Variants in CSGALNACT2 observed in about 807,000 individuals in gnomAD.
CSGALNACT2 encodes beta 4 GalNAcT-2.
Under a neutral mutation model 55.3 loss-of-function variants are expected in CSGALNACT2, and 35 were observed. The ratio of observed to expected loss-of-function variants is 0.63; its 90% CI spans 0.48 to 0.84. CSGALNACT2 has a LOEUF of 0.84. CSGALNACT2 is among the 40% of genes least tolerant of loss of function. CSGALNACT2 has a pLI of 0.00. For missense variants in CSGALNACT2, 544 were observed against 657.5 expected (o/e 0.83, Z 1.89); for synonymous variants, 196 against 224.9 (o/e 0.87, Z 1.15).
At chr10:43,170,175 G>A (rs1385796880) in intron 6 of CSGALNACT2, among the ~76,000 whole-genome samples, 1 of 152,136 alleles carries the variant, frequency 6.6e-6, no homozygotes, top group Non-Finnish European at 1.5e-5. Flanking sequence ...AGATGTCAGC[G>A]GGTTATGTAC....
At chr10:43,178,597 G>A (rs1352044444) in intron 7 of CSGALNACT2, among the ~76,000 whole-genome samples, 1 of 149,340 alleles carries the variant, frequency 6.7e-6, no homozygotes, top group African/African-American at 2.5e-5. Flanking sequence ...CTCCAGCCTG[G>A]GCAACAGAGT....
chr10:43,182,973 A>C (rs900289415), intron 7 of CSGALNACT2, among the ~76,000 whole-genome samples: 1 of 152,010 alleles, frequency 6.6e-6, no homozygotes, highest in African/African-American at 2.4e-5. Flanking sequence ...CTTTTTGTAG[A>C]TTTTCTACAG....
intron 5 of CSGALNACT2, among the ~76,000 whole-genome samples, chr10:43,164,400 T>TCAGAC (rs1359397385): frequency 6.6e-6 from 1 of 152,230 alleles, no homozygotes; most frequent in East Asian, 1.9e-4. Flanking sequence ...GCACTCAGCT[T>TCAGAC]TGGGCATATA....
At chr10:43,160,956 T>C (rs955228871) in intron 4 of CSGALNACT2, among the ~76,000 whole-genome samples, 1 of 152,006 alleles carries the variant, frequency 6.6e-6, no homozygotes, top group African/African-American at 2.4e-5. Context: ...CTCCTTCTTC[T>C]CCCCCTGCTA....
In CSGALNACT2 at chr10:43,159,566, CT is replaced by C. The variant is rs533678791; in HGVS notation, c.878+637del. On this transcript the variant is annotated intron_variant, in intron 3 of 7. Coordinates refer to ENST00000374466, the MANE Select transcript of CSGALNACT2 (RefSeq NM_018590.5). ...ACCACCCCAATTAAGATACAGAATA[CT>C]TGTGTCTCACAAGAAAATCCCCTTG... 5.3e-5 allele frequency among the ~76,000 whole-genome samples: 8 copies of C among 152,264 alleles called. No homozygotes were observed. The East Asian group carries it at 1.5e-3, about 29-fold the overall frequency.
chr10:43,167,365 T>C (rs1420483844), intron 6 of CSGALNACT2, among the ~76,000 whole-genome samples: 5 of 152,154 alleles, frequency 3.3e-5, no homozygotes, highest in African/African-American at 1.2e-4. Context: ...AATGTGGAAA[T>C]TGTACAGTCA....
At position 43,155,686 on chromosome 10, in the gene CSGALNACT2, A is replaced by C; in HGVS notation, c.537A>C (p.Glu179Asp). Residue 179 changes from glutamate (E) to aspartate (D), a missense_variant, in exon 2 of 8, where the codon GAA becomes GAC. Physicochemically the swap from Glu to Asp is conservative, Grantham distance 45 (BLOSUM62 2). Coordinates refer to ENST00000374466, the MANE Select transcript of CSGALNACT2 (RefSeq NM_018590.5). ...CAGTTAGAAAAGACAAACGAGATGA[A>C]TTGGTGGAAGTTATTGAAGCGGGCT... ...EKPVRKDKRDELVEVIEAGLE... is the reference protein window; with the variant it reads ...EKPVRKDKRDDLVEVIEAGLE... 1 of 1,614,206 alleles carries C rather than the reference A, an allele frequency of 6.2e-7. No homozygotes were observed. The highest frequency in any genetic ancestry group is 8.5e-7 in the Non-Finnish European group (1 of 1,180,038).
At chr10:43,162,027 G>A (rs1207329761) in intron 4 of CSGALNACT2, among the ~76,000 whole-genome samples, 1 of 152,152 alleles carries the variant, frequency 6.6e-6, no homozygotes, top group Non-Finnish European at 1.5e-5. Context: ...GAGCAGTATT[G>A]AAGAATCTCG....
At chr10:43,170,491 T>G (rs1263848135) in intron 6 of CSGALNACT2, among the ~76,000 whole-genome samples, 1 of 152,200 alleles carries the variant, frequency 6.6e-6, no homozygotes, top group Non-Finnish European at 1.5e-5. Flanking sequence ...TGGAACAACC[T>G]GAGCAATGAA....
In CSGALNACT2 at chr10:43,155,743, T is replaced by G; in HGVS notation, c.594T>G (p.Asp198Glu). The change falls in exon 2 of 8, where the codon GAT (aspartate) becomes GAG (glutamate). Residue 198 changes from aspartate to glutamate, a missense_variant. Asp to Glu is a conservative substitution (Grantham distance 45, BLOSUM62 2). This residue lies in a region of CSGALNACT2 where 374 missense variants were observed against 401.3 expected (regional missense o/e 0.93). Transcript: ENST00000374466. ...TCATTAATAATCCTGATGAAGATGATGAACAAGAAGATGAGGAGGGTCCCC... is the reference window on the plus strand; with the variant it reads ...TCATTAATAATCCTGATGAAGATGAGGAACAAGAAGATGAGGAGGGTCCCC... Reference protein sequence around the residue: ...LEVINNPDEDDEQEDEEGPLG... With the variant: ...LEVINNPDEDEEQEDEEGPLG... The G allele has an allele frequency of 6.2e-7, 1 of 1,614,116 alleles. No individual in the cohort carries two copies.
intron 1 of CSGALNACT2, among the ~76,000 whole-genome samples, chr10:43,141,767 A>C (rs368396378): frequency 4.6e-5 from 7 of 152,216 alleles, no homozygotes; most frequent in African/African-American, 1.4e-4. Flanking sequence ...CCACAGAGAT[A>C]ACAGAGATCG....
chr10:43,172,257 A>G (rs1839396969), intron 6 of CSGALNACT2, among the ~76,000 whole-genome samples: 1 of 152,258 alleles, frequency 6.6e-6, no homozygotes, highest in Admixed American at 6.5e-5. Flanking sequence ...TGAATATTGC[A>G]TATCAAGGAA....
Position 43,160,506 on chromosome 10 carries a change from T to G in CSGALNACT2, c.891T>G (p.Ile297Met). Residue 297 changes from isoleucine (I) to methionine (M), a missense_variant, in exon 4 of 8, where the codon ATT becomes ATG. Ile to Met is a conservative substitution (Grantham distance 10). This residue lies in a region of CSGALNACT2 where 374 missense variants were observed against 401.3 expected (regional missense o/e 0.93). Coordinates refer to ENST00000374466, the MANE Select transcript of CSGALNACT2 (RefSeq NM_018590.5). ...TCACTTCTGTTAGGGATGTTTGTAT[T>G]CATCAAGACAAGAAGATTCATCTCA... ...QFMQNFRDVC[I>M]HQDKKIHLTV... 6.5e-7 allele frequency: 1 copy of G among 1,545,542 alleles called. No individual in the cohort carries two copies. The highest frequency in any genetic ancestry group is 2.2e-5 in the East Asian group (1 of 44,498).
chr10:43,164,170 A>G, intron 5 of CSGALNACT2, 126 bp downstream of exon 5: 1 of 709,254 alleles, frequency 1.4e-6, no homozygotes, highest in Non-Finnish European at 2.2e-6. Context: ...TTTAAGTTAT[A>G]TTAGGCATAA....
chr10:43,172,992 A>T (rs1315687574), intron 6 of CSGALNACT2, among the ~76,000 whole-genome samples: 13 of 152,242 alleles, frequency 8.5e-5, no homozygotes, highest in African/African-American at 3.1e-4. Context: ...TAGCTGGGCC[A>T]GGGCATGTAG....
chr10:43,140,010 A>G (rs183123912), intron 1 of CSGALNACT2, among the ~76,000 whole-genome samples: 51 of 152,176 alleles, frequency 3.4e-4, no homozygotes, highest in African/African-American at 1.1e-3. Context: ...CCTGGCAAAC[A>G]TGGTGAAACC....
intron 1 of CSGALNACT2, among the ~76,000 whole-genome samples, chr10:43,152,295 A>T (rs1224404547): frequency 6.6e-6 from 1 of 152,180 alleles, no homozygotes; most frequent in African/African-American, 2.4e-5. Flanking sequence ...AATATTCTTA[A>T]TATATTTATA....
At chr10:43,141,480 G>A (rs544345347) in intron 1 of CSGALNACT2, among the ~76,000 whole-genome samples, 3 of 151,826 alleles carry the variant, frequency 2.0e-5, no homozygotes, top group Admixed American at 2.0e-4. Context: ...CTCCCAAAGT[G>A]TTGGGATTAC....
At chr10:43,164,193 A>G in intron 5 of CSGALNACT2, 149 bp downstream of exon 5, 1 of 653,188 alleles carries the variant, frequency 1.5e-6, no homozygotes, top group Non-Finnish European at 2.5e-6. Flanking sequence ...TAACTGGAAT[A>G]CTAAATAGGA....
Sources: gnomAD v4.1 joint callset for allele counts (sites outside exome capture counted in the v4.1 genomes callset) on GRCh38, gnomAD v4.1.1 for gene constraint, gnomAD v4.1.1 regional missense constraint, MANE v1.5 for transcripts, NCBI Gene and HGNC (gene_info 2026-07-23, HGNC 2026-07-21) for gene names.